FAM110B: variants seen among roughly 807,000 people sequenced by gnomAD.
The protein encoded by FAM110B is family with sequence similarity 110 member B, also known as protein FAM110B.
A neutral mutation model predicts 20.4 loss-of-function variants in FAM110B; 6 were observed. The ratio of observed to expected loss-of-function variants is 0.29; its 90% CI spans 0.16 to 0.58. The LOEUF (loss-of-function observed/expected upper bound fraction) is 0.58. Ranked by LOEUF, FAM110B falls within the 20% of genes least tolerant of loss-of-function variation. The probability of loss-of-function intolerance (pLI) is 0.90; values close to 1 mark genes in which losing one functional copy is unlikely to be tolerated. For synonymous variants in FAM110B, 226 were observed against 214.1 expected (o/e 1.06, Z -0.49); for missense variants, 434 against 498.2 (o/e 0.87, Z 1.23).
chr8:58,002,387 A>G (rs1045124912), intron 1 of FAM110B, among the ~76,000 whole-genome samples: 1 of 152,214 alleles, frequency 6.6e-6, no homozygotes, highest in Non-Finnish European at 1.5e-5. Context: ...ACCAGGTACC[A>G]CTTCTCTAAG....
At chr8:58,005,023 G>C (rs555487952) in intron 1 of FAM110B, among the ~76,000 whole-genome samples, 6 of 152,284 alleles carry the variant, frequency 3.9e-5, no homozygotes, top group Admixed American at 6.5e-5. Flanking sequence ...TGCCCAACTT[G>C]GTTCACTGTT....
chr8:58,036,014 T>C (rs994675512), intron 2 of FAM110B, among the ~76,000 whole-genome samples: 2 of 152,010 alleles, frequency 1.3e-5, no homozygotes, highest in African/African-American at 4.8e-5. Flanking sequence ...ATGGAGGAGG[T>C]CCTGATGTGA....
chr8:58,058,145 G>C (rs1215701880), intron 2 of FAM110B, among the ~76,000 whole-genome samples: 1 of 152,176 alleles, frequency 6.6e-6, no homozygotes, highest in African/African-American at 2.4e-5. Context: ...CTCTTTTGAA[G>C]CTATGAAATT....
At chr8:58,026,824 G>T (rs1339902385) in intron 1 of FAM110B, among the ~76,000 whole-genome samples, 1 of 152,070 alleles carries the variant, frequency 6.6e-6, no homozygotes, top group Admixed American at 6.5e-5. Flanking sequence ...TTCTACATAT[G>T]GTCATGCTTC....
intron 1 of FAM110B, among the ~76,000 whole-genome samples, chr8:58,025,278 C>G (rs567984009): frequency 6.6e-6 from 1 of 152,322 alleles, no homozygotes; most frequent in East Asian, 1.9e-4. Flanking sequence ...AAAGGCAGCA[C>G]TGTCTGAACT....
At chr8:58,001,995 T>C (rs1224219959) in intron 1 of FAM110B, among the ~76,000 whole-genome samples, 2 of 152,000 alleles carry the variant, frequency 1.3e-5, no homozygotes, top group Non-Finnish European at 2.9e-5. Flanking sequence ...CAGGAAAATA[T>C]AGATGTATTA....
Position 58,147,480 on chromosome 8 carries a change from T to A in FAM110B, c.*137T>A. ...GCAATGTTTTCAAGTTGCATGCTTG[T>A]CAACATGGGGACTGACCTGGCTTCC... is the stretch of plus-strand genomic sequence containing the variant. On this transcript the variant is annotated 3_prime_UTR_variant, in exon 4 of 4. Coordinates refer to ENST00000519262, the MANE Select transcript of FAM110B (RefSeq NM_001377989.1). 1 of 1,096,694 alleles carries A rather than the reference T, an allele frequency of 9.1e-7. No homozygotes were observed. The highest frequency in any genetic ancestry group is 1.3e-6 in the Non-Finnish European group (1 of 771,686). The allele number at this position is 1,096,694 out of a possible 1,614,324, so 67.9% of individuals were successfully genotyped here.
intron 3 of FAM110B, among the ~76,000 whole-genome samples, chr8:58,128,680 T>G (rs565422571): frequency 6.6e-6 from 1 of 152,308 alleles, no homozygotes; most frequent in East Asian, 1.9e-4. Context: ...GGAAATGGAT[T>G]TGGGGATGAC....
chr8:57,998,233 T>G (rs1438938714), intron 1 of FAM110B, among the ~76,000 whole-genome samples: 1 of 152,168 alleles, frequency 6.6e-6, no homozygotes, highest in Non-Finnish European at 1.5e-5. Flanking sequence ...TTTAGGAAGG[T>G]TGAGGAGAGA....
At chr8:58,059,320 C>T (rs1028957923) in intron 2 of FAM110B, among the ~76,000 whole-genome samples, 3 of 152,130 alleles carry the variant, frequency 2.0e-5, no homozygotes, top group African/African-American at 7.2e-5. Flanking sequence ...ATTGCTAGGT[C>T]ATAGTGTAAG....
At position 58,085,838 on chromosome 8, in the gene FAM110B, C is replaced by T. The variant is rs542676346; in HGVS notation, c.-325+10215C>T. On this transcript the variant is annotated intron_variant, in intron 3 of 3. Transcript: ENST00000519262. ...TTCTTGGGCACTGGCCATTCACACA[C>T]GGAGCTCTAGCCTTTAGGGGCCAGT... Among the ~76,000 whole-genome samples, 218 of 152,256 alleles carry T rather than the reference C, an allele frequency of 1.4e-3. 2 individuals carry two copies. The highest frequency in any genetic ancestry group is 5.0e-3 in the African/African-American group (207 of 41,542).
chr8:58,005,786 G>T (rs186364231), intron 1 of FAM110B, among the ~76,000 whole-genome samples: 1 of 152,260 alleles, frequency 6.6e-6, no homozygotes, highest in Admixed American at 6.5e-5. Context: ...AGTGATGGCA[G>T]TTACTTCGTA....
At chr8:58,117,418 A>G (rs1345014506) in intron 3 of FAM110B, among the ~76,000 whole-genome samples, 4 of 152,212 alleles carry the variant, frequency 2.6e-5, no homozygotes, top group Non-Finnish European at 5.9e-5. Context: ...TACTGCCAAA[A>G]GTGGGGATGG....
intron 3 of FAM110B, among the ~76,000 whole-genome samples, chr8:58,126,236 CT>C (rs71248168): frequency 0.1 from 15,720 of 152,222 alleles, 880 homozygotes; most frequent in Middle Eastern, 0.14. Context: ...TAGTTCGTTC[CT>C]TTTCATTGCT....
intron 2 of FAM110B, among the ~76,000 whole-genome samples, chr8:58,050,747 C>G (rs972776721): frequency 3.9e-5 from 6 of 152,182 alleles, no homozygotes; most frequent in Non-Finnish European, 7.3e-5. Flanking sequence ...CAGATACTCT[C>G]TCTATCTTGA....
At chr8:58,008,293 C>T (rs1804455913) in intron 1 of FAM110B, among the ~76,000 whole-genome samples, 2 of 151,874 alleles carry the variant, frequency 1.3e-5, no homozygotes, top group African/African-American at 4.8e-5. Context: ...CCACCACACC[C>T]GGCTAATTTT....
intron 3 of FAM110B, among the ~76,000 whole-genome samples, chr8:58,123,231 A>G (rs143694517): frequency 1.4e-3 from 211 of 152,204 alleles, no homozygotes; most frequent in African/African-American, 4.9e-3. Context: ...TCAGGAGCCC[A>G]CTACTGCTCT....
At chr8:58,143,043 A>G (rs1338898478) in intron 3 of FAM110B, among the ~76,000 whole-genome samples, 3 of 150,264 alleles carry the variant, frequency 2.0e-5, no homozygotes, top group Non-Finnish European at 3.0e-5. Flanking sequence ...TACAAAGTCT[A>G]CACTACAAAA....
intron 2 of FAM110B, among the ~76,000 whole-genome samples, chr8:58,053,604 T>C (rs1805496581): frequency 6.6e-6 from 1 of 152,192 alleles, no homozygotes; most frequent in Admixed American, 6.5e-5. Flanking sequence ...ATATTTATGG[T>C]ATCTAAAGCC....
Sources: allele counts gnomAD v4.1 joint callset (sites outside exome capture counted in the v4.1 genomes callset), GRCh38; gene constraint gnomAD v4.1.1; transcripts MANE v1.5; gene names NCBI Gene and HGNC (gene_info 2026-07-23, HGNC 2026-07-21).